CEP126: variants seen among roughly 807,000 people sequenced by gnomAD.
CEP126 encodes the protein centrosomal protein 126.
In CEP126, 74 loss-of-function variants were observed where a neutral mutation model predicts 107.8. That is an observed-to-expected ratio of 0.69 (90% CI 0.57 to 0.83). CEP126 has a LOEUF of 0.83. CEP126 is among the 40% of genes least tolerant of loss of function. The probability of loss-of-function intolerance (pLI) is 0.00; values close to 1 mark genes in which losing one functional copy is unlikely to be tolerated. For missense variants in CEP126, 1,237 were observed against 1,281.9 expected (o/e 0.96, Z 0.53); for synonymous variants, 449 against 446.0 (o/e 1.01, Z -0.08).
chr11:101,980,349 A>C (rs896201823), intron 7 of CEP126, among the ~76,000 whole-genome samples: 2 of 152,202 alleles, frequency 1.3e-5, no homozygotes, highest in African/African-American at 4.8e-5. Context: ...TTTAAAAGTA[A>C]TATGTAGTTA....
At chr11:101,970,383 C>A (rs1365738686) in intron 6 of CEP126, among the ~76,000 whole-genome samples, 2 of 152,096 alleles carry the variant, frequency 1.3e-5, no homozygotes, top group Admixed American at 6.5e-5. Context: ...ATATCAAGAA[C>A]AGGTGAAACT....
chr11:101,979,215 T>C (rs1941227953), intron 7 of CEP126, among the ~76,000 whole-genome samples: 1 of 152,154 alleles, frequency 6.6e-6, no homozygotes, highest in Admixed American at 6.5e-5. Context: ...CTGAGCTTCC[T>C]GGAAGACATG....
intron 2 of CEP126, among the ~76,000 whole-genome samples, chr11:101,924,612 C>T (rs113187294): frequency 0.048 from 7,323 of 152,238 alleles, 488 homozygotes; most frequent in Admixed American, 0.18. Context: ...ATTACAGGCA[C>T]GCACCCCCGT....
chr11:101,990,629 A>G (rs1398066454), intron 9 of CEP126, among the ~76,000 whole-genome samples: 1 of 152,146 alleles, frequency 6.6e-6, no homozygotes, highest in East Asian at 1.9e-4. Context: ...CTTAAGACTG[A>G]GCCTGGACCA....
At chr11:101,982,975 T>G in intron 8 of CEP126, among the ~76,000 whole-genome samples, 1 of 152,102 alleles carries the variant, frequency 6.6e-6, no homozygotes, top group East Asian at 1.9e-4. Context: ...ACTATATCTT[T>G]CCCATGCACA....
At chr11:101,950,113 A>C (rs1940790851) in intron 4 of CEP126, among the ~76,000 whole-genome samples, 1 of 152,236 alleles carries the variant, frequency 6.6e-6, no homozygotes. Context: ...CAAAGAGAGA[A>C]TATCCAACAT....
At chr11:101,983,692 T>G (rs1353719562) in intron 8 of CEP126, among the ~76,000 whole-genome samples, 1 of 152,234 alleles carries the variant, frequency 6.6e-6, no homozygotes, top group Non-Finnish European at 1.5e-5. Context: ...TATATGTTAC[T>G]GATGAACATC....
At chr11:101,991,358 A>G (rs1941379227) in intron 9 of CEP126, among the ~76,000 whole-genome samples, 1 of 152,184 alleles carries the variant, frequency 6.6e-6, no homozygotes, top group African/African-American at 2.4e-5. Context: ...AATCATATCC[A>G]GCATTCGTCA....
intron 7 of CEP126, among the ~76,000 whole-genome samples, chr11:101,979,918 T>C (rs1375180740): frequency 6.6e-6 from 1 of 152,218 alleles, no homozygotes; most frequent in African/African-American, 2.4e-5. Context: ...ATTTCCACTT[T>C]AAATATCACT....
At position 101,927,744 on chromosome 11, in the gene CEP126, T is replaced by G. The variant is rs374293226; in HGVS notation, c.248+4984T>G. Among the ~76,000 whole-genome samples, 30 of 152,334 alleles carry G rather than the reference T, an allele frequency of 2.0e-4. No homozygotes were observed. The East Asian group carries it at 4.4e-3, about 22-fold the overall frequency. On this transcript the variant is annotated intron_variant, in intron 2 of 10. Transcript: ENST00000263468. ...TGTGTATCAGTAGCTTTTTCATTCTTATTGCTGAATATTTATTATTATTAT... is the reference window on the plus strand; with the variant it reads ...TGTGTATCAGTAGCTTTTTCATTCTGATTGCTGAATATTTATTATTATTAT...
Position 101,997,505 on chromosome 11 carries a change from G to A in CEP126, c.3310-94G>A, listed in dbSNP as rs1286310547. ...ACCTGGGAGAATGATGTCAGGATGT[G>A]TTGAATATGCCACTATTTGACATGT... is the stretch of plus-strand genomic sequence containing the variant. On this transcript the variant is annotated intron_variant, in intron 10 of 10. Coordinates refer to ENST00000263468, the MANE Select transcript of CEP126 (RefSeq NM_020802.4). The A allele has an allele frequency of 6.9e-6, 11 of 1,593,754 alleles. No individual in the cohort carries two copies. In the Admixed American group the frequency reaches 1.7e-4, roughly 25 times the overall value.
intron 7 of CEP126, 143 bp from the exon 8 acceptor site, chr11:101,981,746 C>A: frequency 1.9e-6 from 1 of 523,190 alleles, no homozygotes; most frequent in Non-Finnish European, 3.4e-6. Flanking sequence ...TTGTATTCAG[C>A]TCTAAAAAAT....
intron 2 of CEP126, among the ~76,000 whole-genome samples, chr11:101,939,905 G>C (rs925894109): frequency 1.3e-5 from 2 of 152,044 alleles, no homozygotes; most frequent in Non-Finnish European, 2.9e-5. Flanking sequence ...CATATTAAAG[G>C]ACAGACCATC....
At chr11:101,925,971 AG>A (rs1318841734) in intron 2 of CEP126, among the ~76,000 whole-genome samples, 25 of 151,844 alleles carry the variant, frequency 1.6e-4, no homozygotes, top group Admixed American at 1.2e-3. Flanking sequence ...ACTATATTAA[AG>A]AAAATTTGGA....
chr11:101,971,570 T>G (rs897431250), intron 6 of CEP126, among the ~76,000 whole-genome samples: 4 of 150,248 alleles, frequency 2.7e-5, no homozygotes, highest in African/African-American at 9.7e-5. Flanking sequence ...GTTTGTTTGT[T>G]TTTTTAGGTG....
chr11:101,977,992 A>G (rs1156234240), intron 6 of CEP126, among the ~76,000 whole-genome samples: 2 of 152,242 alleles, frequency 1.3e-5, no homozygotes, highest in Admixed American at 1.3e-4. Context: ...ATCATATATT[A>G]CATGAGTAAA....
At chr11:101,944,030 G>C (rs1565354807) in intron 2 of CEP126, among the ~76,000 whole-genome samples, 1 of 152,052 alleles carries the variant, frequency 6.6e-6, no homozygotes, top group Non-Finnish European at 1.5e-5. Context: ...AAATTAGAAA[G>C]GGCTGCATTA....
At chr11:101,929,974 CTTTT>C (rs60650996) in intron 2 of CEP126, among the ~76,000 whole-genome samples, 2 of 118,682 alleles carry the variant, frequency 1.7e-5, no homozygotes, top group Non-Finnish European at 3.5e-5. Context: ...TTAGTTAGGA[CTTTT>C]TTTTTTTTTT....
intron 5 of CEP126, among the ~76,000 whole-genome samples, chr11:101,960,853 T>C (rs1329567342): frequency 6.6e-6 from 1 of 152,086 alleles, no homozygotes; most frequent in Non-Finnish European, 1.5e-5. Context: ...TGACTAGATA[T>C]ACAATTTAAT....
Sources: gnomAD v4.1 joint callset for allele counts (sites outside exome capture counted in the v4.1 genomes callset) on GRCh38, gnomAD v4.1.1 for gene constraint, MANE v1.5 for transcripts, NCBI Gene and HGNC (gene_info 2026-07-23, HGNC 2026-07-21) for gene names.